The following UHRF1 variants were observed in gnomAD, a reference collection of about 807,000 sequenced individuals.
The protein encoded by UHRF1 is E3 ubiquitin-protein ligase UHRF1.
Under a neutral mutation model 96.5 loss-of-function variants are expected in UHRF1, and 9 were observed. The ratio of observed to expected loss-of-function variants is 0.09; its 90% CI spans 0.06 to 0.16. UHRF1 has a LOEUF of 0.16. Among genes scored for constraint, UHRF1 ranks in the 10% least tolerant of loss-of-function variants. UHRF1 has a pLI of 1.00. For synonymous variants in UHRF1, 455 were observed against 469.9 expected (o/e 0.97, Z 0.41); for missense variants, 626 against 1,131.1 (o/e 0.55, Z 6.40).
chr19:4,918,663 C>T (rs938020936), intron 2 of UHRF1, among the ~76,000 whole-genome samples: 12 of 151,514 alleles, frequency 7.9e-5, no homozygotes, highest in African/African-American at 2.9e-4. Flanking sequence ...ATCTGCCGGC[C>T]TCAGCCTCCC....
At chr19:4,948,898 C>T (rs970063182) in intron 11 of UHRF1, among the ~76,000 whole-genome samples, 20 of 142,216 alleles carry the variant, frequency 1.4e-4, no homozygotes, top group Admixed American at 2.3e-4. Flanking sequence ...CTGAGGTGGG[C>T]GGATCACGAT....
At chr19:4,957,475 A>G (rs1599305220) in intron 16 of UHRF1, among the ~76,000 whole-genome samples, 1 of 151,598 alleles carries the variant, frequency 6.6e-6, no homozygotes, top group South Asian at 2.1e-4. Context: ...TGCCCGGCTA[A>G]TTTTTTGTAT....
chr19:4,934,421 T>C (rs1398702822), intron 5 of UHRF1, among the ~76,000 whole-genome samples: 1 of 152,184 alleles, frequency 6.6e-6, no homozygotes, highest in Non-Finnish European at 1.5e-5. Flanking sequence ...TCCAGCACTT[T>C]GTCCTCTTCC....
At chr19:4,949,915 G>GGTGGA (rs2033671943) in intron 11 of UHRF1, among the ~76,000 whole-genome samples, 1 of 152,004 alleles carries the variant, frequency 6.6e-6, no homozygotes, top group Admixed American at 6.6e-5. Flanking sequence ...TCTTGTCCAG[G>GGTGGA]GTGGAGTGCA....
rs1055075843 is a variant in UHRF1, at chr19:4,921,423, G to C, written c.154-7799G>C. 1.4e-4 allele frequency among the ~76,000 whole-genome samples: 21 copies of C among 152,162 alleles called. 1 individual carries two copies. Among genetic ancestry groups the C allele is most frequent in the Admixed American group, 3.3e-4 (5 of 15,274 alleles). Reference sequence around the variant, plus strand: ...CACTGCACTCCAGCCTGGGCAACAAGAGTGAAACTCCGTTTCAAAAAACAA... The same window carrying C: ...CACTGCACTCCAGCCTGGGCAACAACAGTGAAACTCCGTTTCAAAAAACAA... On this transcript the variant is annotated intron_variant, in intron 2 of 16. Coordinates refer to ENST00000650932, the MANE Select transcript of UHRF1 (RefSeq NM_001048201.3).
intron 5 of UHRF1, among the ~76,000 whole-genome samples, chr19:4,935,812 C>A (rs183111809): frequency 1.3e-5 from 2 of 152,118 alleles, no homozygotes; most frequent in African/African-American, 4.8e-5. Flanking sequence ...CCTACAAATG[C>A]GTGGTTGCCA....
At chr19:4,906,693 C>A (rs1269739778), upstream of UHRF1, among the ~76,000 whole-genome samples, 1 of 151,910 alleles carries the variant, frequency 6.6e-6, no homozygotes, top group African/African-American at 2.4e-5. Context: ...GTGGAGGTTG[C>A]GGAGAGCCAA....
rs567255247 is a variant in UHRF1, at chr19:4,939,371, G to A, written c.786-2157G>A. Among the ~76,000 whole-genome samples, 3 of 136,730 alleles carry A rather than the reference G, an allele frequency of 2.2e-5. No individual in the cohort carries two copies. The South Asian group carries it at 7.0e-4, about 32-fold the overall frequency. The allele number at this position is 136,730 out of a possible 152,430, so 89.7% of individuals were successfully genotyped here. A position where few individuals can be genotyped will look rare whatever the true frequency, so the allele number is the denominator to read the frequency against. Reference sequence around the variant, plus strand: ...GCCACTATACCCAGTCTTAGAATATGTTTTTCTTTCTTTTTTTTTGAGACG... The same window carrying A: ...GCCACTATACCCAGTCTTAGAATATATTTTTCTTTCTTTTTTTTTGAGACG... On this transcript the variant is annotated intron_variant, in intron 5 of 16. Transcript: ENST00000650932.
chr19:4,956,435 G>A (rs1303595587), intron 15 of UHRF1, among the ~76,000 whole-genome samples: 1 of 152,204 alleles, frequency 6.6e-6, no homozygotes, highest in Admixed American at 6.5e-5. Context: ...GGTCATATCT[G>A]GGTCCTGCCC....
Position 4,961,705 on chromosome 19 carries a change from C to T in UHRF1, c.*902C>T, listed in dbSNP as rs1210526225. 6.7e-6 allele frequency: 1 copy of T among 149,328 alleles called. No individual in the cohort carries two copies. Among genetic ancestry groups the T allele is most frequent in the Non-Finnish European group, 1.5e-5 (1 of 66,904 alleles). The allele number at this position is 149,328 out of a possible 1,614,324, so 9.3% of individuals were successfully genotyped here. A position where few individuals can be genotyped will look rare whatever the true frequency, so the allele number is the denominator to read the frequency against. On this transcript the variant is annotated 3_prime_UTR_variant, in exon 17 of 17. Coordinates refer to ENST00000650932, the MANE Select transcript of UHRF1 (RefSeq NM_001048201.3). ...TGACACCGGATGGGTGCTTGGGAAC[C>T]GTTTGAGCCTTATAGATCATTTACA...
chr19:4,914,062 C>T (rs549611034), intron 2 of UHRF1, among the ~76,000 whole-genome samples: 2 of 151,952 alleles, frequency 1.3e-5, no homozygotes, highest in East Asian at 3.9e-4. Context: ...TGATTCACAC[C>T]CCCCTCCCCC....
intron 2 of UHRF1, among the ~76,000 whole-genome samples, chr19:4,919,375 T>C (rs1376726608): frequency 6.6e-6 from 1 of 151,800 alleles, no homozygotes; most frequent in East Asian, 1.9e-4. Flanking sequence ...TGGTCTTGGC[T>C]CACTGCAAGC....
intron 2 of UHRF1, among the ~76,000 whole-genome samples, chr19:4,912,615 G>C (rs561959415): frequency 6.6e-6 from 1 of 152,258 alleles, no homozygotes; most frequent in African/African-American, 2.4e-5. Flanking sequence ...GAAGCGCTCT[G>C]TCTTTCTCTC....
Position 4,954,328 on chromosome 19 carries a change from G to A in UHRF1, c.1819-22G>A, listed in dbSNP as rs745489204. 2 of 1,608,498 alleles carry A rather than the reference G, an allele frequency of 1.2e-6. No individual in the cohort carries two copies. The highest frequency in any genetic ancestry group is 1.3e-5 in the African/African-American group (1 of 74,830). On this transcript the variant is annotated intron_variant, in intron 13 of 16. Coordinates refer to ENST00000650932, the MANE Select transcript of UHRF1 (RefSeq NM_001048201.3). The surrounding 1 kb of genome is among the most constrained non-coding windows in gnomAD (Gnocchi z 5.9). ...GTGTGGGCCCCAAGCCTGACTCACGGCTGTCCCTCTTCCTCCTGAAGTATC... is the reference window on the plus strand; with the variant it reads ...GTGTGGGCCCCAAGCCTGACTCACGACTGTCCCTCTTCCTCCTGAAGTATC...
chr19:4,904,454 C>T (rs1366625822), intron 1 of UHRF1, among the ~76,000 whole-genome samples: 4 of 152,188 alleles, frequency 2.6e-5, no homozygotes, highest in Admixed American at 6.6e-5. Context: ...GCTGGGATTA[C>T]AGGCGTGAGC....
intron 5 of UHRF1, among the ~76,000 whole-genome samples, chr19:4,941,047 C>T (rs929837927): frequency 6.7e-6 from 1 of 149,798 alleles, no homozygotes; most frequent in African/African-American, 2.5e-5. Context: ...TCATTCTTCC[C>T]AGGGCATCCT....
At chr19:4,942,921 G>A (rs2033450779) in intron 7 of UHRF1, among the ~76,000 whole-genome samples, 1 of 149,948 alleles carries the variant, frequency 6.7e-6, no homozygotes, top group Non-Finnish European at 1.5e-5. Flanking sequence ...CTGGGTGATG[G>A]AAGTGAGACC....
chr19:4,957,920 G>A (rs548285901), intron 16 of UHRF1, among the ~76,000 whole-genome samples: 18 of 152,348 alleles, frequency 1.2e-4, no homozygotes, highest in Admixed American at 3.3e-4. Flanking sequence ...GTGGACAGGT[G>A]TGGAAGGGAC....
chr19:4,950,293 G>C (rs1367801298), intron 11 of UHRF1, among the ~76,000 whole-genome samples: 1 of 151,180 alleles, frequency 6.6e-6, no homozygotes, highest in Non-Finnish European at 1.5e-5. Context: ...ACCCAGGCTG[G>C]AGTGCAGTGG....
Sources: allele counts gnomAD v4.1 joint callset (sites outside exome capture counted in the v4.1 genomes callset), GRCh38; gene constraint gnomAD v4.1.1; non-coding constraint Gnocchi (gnomAD v3.1); transcripts MANE v1.5; gene names NCBI Gene and HGNC (gene_info 2026-07-23, HGNC 2026-07-21).